The following IGSF22 variants were observed in gnomAD, a reference collection of about 807,000 sequenced individuals.
IGSF22 encodes the protein immunoglobulin superfamily member 22.
IGSF22 carries 119 observed loss-of-function variants against 127.0 expected under a neutral mutation model. The ratio of observed to expected loss-of-function variants is 0.94; its 90% confidence interval spans 0.81 to 1.09. The LOEUF is 1.09. Among genes scored for constraint, IGSF22 ranks in the 50% least tolerant of loss-of-function variants. IGSF22 has a pLI of 0.00. For synonymous variants in IGSF22, 568 were observed against 664.7 expected, an observed-to-expected ratio of 0.85 and a Z score of 2.24; for missense variants, 1,518 against 1,716.6, an observed-to-expected ratio of 0.88 and a Z score of 2.04.
At position 18,709,419 on chromosome 11, in the gene IGSF22, A is replaced by T. The variant is rs1188888246; in HGVS notation, c.2966T>A (p.Leu989Gln). 6.2e-7 allele frequency: 1 copy of T among 1,614,012 alleles called. No individual in the cohort carries two copies. Among genetic ancestry groups the T allele is most frequent in the East Asian group, 2.2e-5 (1 of 44,888 alleles). The part of the protein sequence containing the change: ...NEAGVGEPVE[L>Q]DKGVRAMPPP... ...TGGCATGGCACGGACCCCCTTGTCT[A>T]GCTCCACAGGCTCCCCAACCCCAGC... is the stretch of plus-strand genomic sequence containing the variant. Residue 989 changes from leucine to glutamine, a missense_variant, in exon 18 of 23, where the codon CTA (leucine) becomes CAA (glutamine). This residue lies in a region of IGSF22 where 1,456 missense variants were observed against 1,644.9 expected (regional missense o/e 0.89). Coordinates refer to ENST00000513874, the MANE Select transcript of IGSF22 (RefSeq NM_173588.4). The surrounding 1 kb of genome is among the most constrained non-coding windows in gnomAD (Gnocchi z 4.8).
At chr11:18,710,933 T>C in intron 15 of IGSF22, 105 bp from the exon 16 acceptor site, 1 of 977,806 alleles carries the variant, frequency 1.0e-6, no homozygotes, top group Non-Finnish European at 1.5e-6. Flanking sequence ...CTCAAACCAG[T>C]GATTCTTTTT....
Position 18,709,637 on chromosome 11 carries a change from G to C in IGSF22, c.2748C>G (p.Asn916Lys). Residue 916 changes from asparagine to lysine, a missense_variant, in exon 18 of 23, where the codon AAC becomes AAG. By Grantham distance (94) the Asn-to-Lys change is moderately conservative. Coordinates refer to ENST00000513874, the MANE Select transcript of IGSF22 (RefSeq NM_173588.4). This position sits in a 1 kb window ranked among gnomAD's most constrained non-coding sequence, Gnocchi z 4.8. ...CCCGCCAGGCCAGGGAAATGCTGGAGTTGGAGGAATCAGATACATGCAGGT... is the reference window on the plus strand; with the variant it reads ...CCCGCCAGGCCAGGGAAATGCTGGACTTGGAGGAATCAGATACATGCAGGT... ...VQDLHVSDSS[N>K]SSISLAWREP... 6.2e-7 allele frequency: 1 copy of C among 1,614,168 alleles called. No individual in the cohort carries two copies. Among genetic ancestry groups the C allele is most frequent in the Non-Finnish European group, 8.5e-7 (1 of 1,180,022 alleles).
chr11:18,706,437 G>T, intron 21 of IGSF22: 1 of 490,848 alleles, frequency 2.0e-6, no homozygotes, highest in Non-Finnish European at 3.6e-6. Context: ...CCTGGACCCG[G>T]TTATTCCCAG....
chr11:18,712,602 G>C (rs1848378493), intron 14 of IGSF22, among the ~76,000 whole-genome samples: 4 of 152,234 alleles, frequency 2.6e-5, no homozygotes. Flanking sequence ...GCAATGGGTA[G>C]ACTAGAGACC....
intron 22 of IGSF22, 24 bp from the exon 23 acceptor site, chr11:18,704,562 G>A (rs552946698): frequency 5.7e-5 from 83 of 1,462,284 alleles, no homozygotes; most frequent in Middle Eastern, 3.4e-4. Context: ...GGAAGTATTC[G>A]TTATATTAAT....
In IGSF22 at chr11:18,719,722, C is replaced by T; in HGVS notation, c.690G>A (p.Glu230=). 6.2e-7 allele frequency: 1 copy of T among 1,614,102 alleles called. No individual in the cohort carries two copies. Among genetic ancestry groups the T allele is most frequent in the Admixed American group, 1.7e-5 (1 of 60,020 alleles). ...RKLKEMKKKV[E]VEAIRILKPL... ...CTCCCTGCAGGGTACTTACCTCCAC[C>T]TCTACTTTCTTCTTCATCTCTTTGA... Residue 230 remains glutamate (E), a synonymous_variant, in exon 7 of 23, where the codon GAG becomes GAA. Transcript: ENST00000513874.
intron 22 of IGSF22, chr11:18,705,549 C>T: frequency 2.0e-6 from 1 of 494,906 alleles, no homozygotes. Flanking sequence ...TATCTTTTTT[C>T]TGAAGGCAGG....
intron 3 of IGSF22, 92 bp downstream of exon 3, chr11:18,721,818 G>A (rs1848579496): frequency 6.3e-7 from 1 of 1,592,122 alleles, no homozygotes; most frequent in Admixed American, 1.7e-5. Context: ...CCAGGGTTTA[G>A]CATTGGAGGT....
Position 18,716,641 on chromosome 11 carries a change from G to T in IGSF22, c.1246+87C>A. The T allele has an allele frequency of 7.3e-7, 1 of 1,371,574 alleles. No individual in the cohort carries two copies. Among genetic ancestry groups the T allele is most frequent in the Non-Finnish European group, 1.0e-6 (1 of 980,702 alleles). The allele number at this position is 1,371,574 out of a possible 1,614,324, so 85.0% of individuals were successfully genotyped here. A position where few individuals can be genotyped will look rare whatever the true frequency, so the allele number is the denominator to read the frequency against. ...GGGCTTTGCAAAAAGGAGATGGATG[G>T]ATAGATGGATATATAAATGATGACT... is the stretch of plus-strand genomic sequence containing the variant. On this transcript the variant is annotated intron_variant, in intron 10 of 22. Coordinates refer to ENST00000513874, the MANE Select transcript of IGSF22 (RefSeq NM_173588.4). This position sits in a 1 kb window ranked among gnomAD's most constrained non-coding sequence, Gnocchi z 4.5.
At chr11:18,724,778 G>A (rs1163480689) in intron 1 of IGSF22, among the ~76,000 whole-genome samples, 2 of 152,094 alleles carry the variant, frequency 1.3e-5, no homozygotes, top group Non-Finnish European at 1.5e-5. Flanking sequence ...TTGTGTTTGC[G>A]ACATGGTAAA....
Position 18,715,649 on chromosome 11 carries a change from C to T in IGSF22, c.1314G>A (p.Leu438=). 3 of 1,613,956 alleles carry T rather than the reference C, an allele frequency of 1.9e-6. No individual in the cohort carries two copies. The highest frequency in any genetic ancestry group is 2.5e-6 in the Non-Finnish European group (3 of 1,180,010). Reference sequence around the variant, plus strand: ...CATCCTTGGATGTCAGCTCACACTCCAGGCATGCGCGACTCCTCTCTTTCA... The same window carrying T: ...CATCCTTGGATGTCAGCTCACACTCTAGGCATGCGCGACTCCTCTCTTTCA... The part of the protein sequence containing the change: ...VRVKERSRAC[L]ECELTSKDVT... Residue 438 remains leucine (L), a synonymous_variant, in exon 11 of 23, where the codon CTG becomes CTA. Transcript: ENST00000513874.
intron 22 of IGSF22, chr11:18,705,307 G>A (rs1417720224): frequency 6.4e-6 from 1 of 155,062 alleles, no homozygotes; most frequent in Non-Finnish European, 1.4e-5. Flanking sequence ...GGAATAAAAT[G>A]CTTCCCCCTA....
chr11:18,723,236 T>C (rs1848602127), intron 2 of IGSF22, among the ~76,000 whole-genome samples: 1 of 152,222 alleles, frequency 6.6e-6, no homozygotes, highest in Non-Finnish European at 1.5e-5. Context: ...GGGGTGAGAC[T>C]CAGGTACTGC....
rs375207253 is a variant in IGSF22 at position 18,710,740 on chromosome 11, C to A, written c.2487G>T (p.Gly829=). Reference sequence around the variant, plus strand: ...CAATGTAGCCGAGCACTGGGGCTCCCCCATCCTGGGTAGGGGCATTCCACG... The same window carrying A: ...CAATGTAGCCGAGCACTGGGGCTCCACCATCCTGGGTAGGGGCATTCCACG... The part of the protein sequence containing the change: ...TITWNAPTQD[G]GAPVLGYIVE... Residue 829 remains glycine (G), a synonymous_variant, in exon 16 of 23, where the codon GGG becomes GGT. Coordinates refer to ENST00000513874, the MANE Select transcript of IGSF22 (RefSeq NM_173588.4). 113 of 1,614,042 alleles carry A rather than the reference C, an allele frequency of 7.0e-5. 3 individuals carry two copies. The Middle Eastern group carries it at 8.2e-4, about 12-fold the overall frequency.
Position 18,709,738 on chromosome 11 carries a change from T to C in IGSF22, c.2702-55A>G. The stretch of plus-strand genomic sequence containing the variant: ...CTCCAACTCATCTCCACTCAATGCC[T>C]TGCTCACTTCCCACACTCAATACTC... On this transcript the variant is annotated intron_variant, in intron 17 of 22. Transcript: ENST00000513874. This position sits in a 1 kb window ranked among gnomAD's most constrained non-coding sequence, Gnocchi z 4.8. 1.3e-6 allele frequency: 2 copies of C among 1,541,220 alleles called. No homozygotes were observed. The highest frequency in any genetic ancestry group is 1.8e-6 in the Non-Finnish European group (2 of 1,135,282).
In IGSF22 at chr11:18,709,707, C is replaced by A; in HGVS notation, c.2702-24G>T. 1 of 1,601,172 alleles carries A rather than the reference C, an allele frequency of 6.2e-7. No homozygotes were observed. The highest frequency in any genetic ancestry group is 1.1e-5 in the South Asian group (1 of 89,518). On this transcript the variant is annotated intron_variant, in intron 17 of 22. Coordinates refer to ENST00000513874, the MANE Select transcript of IGSF22 (RefSeq NM_173588.4). This position sits in a 1 kb window ranked among gnomAD's most constrained non-coding sequence, Gnocchi z 4.8. ...TTCTGGGGTAGAACAGACATGTAGTCAGCCCCTCCAACTCATCTCCACTCA... is the reference window on the plus strand; with the variant it reads ...TTCTGGGGTAGAACAGACATGTAGTAAGCCCCTCCAACTCATCTCCACTCA...
At chr11:18,715,756 G>T in intron 10 of IGSF22, 40 bp from the exon 11 acceptor site, 1 of 1,574,740 alleles carries the variant, frequency 6.4e-7, no homozygotes, top group South Asian at 1.2e-5. Context: ...CCCAAACCAC[G>T]ACATCTTTTT....
At chr11:18,713,729 T>A in intron 14 of IGSF22, 123 bp downstream of exon 14, 2 of 807,192 alleles carry the variant, frequency 2.5e-6, no homozygotes. Context: ...GCCAGCCTTC[T>A]AGGCCCATTC....
rs768222148 is a variant in IGSF22 at position 18,715,756 on chromosome 11, G to A, written c.1247-40C>T. The A allele has an allele frequency of 1.4e-5, 22 of 1,574,622 alleles. No homozygotes were observed. In the East Asian group the frequency reaches 3.2e-4, roughly 23 times the overall value. On this transcript the variant is annotated intron_variant, in intron 10 of 22. Transcript: ENST00000513874. ...ACACTTGGGCCTGCTCCCAAACCAC[G>A]ACATCTTTTTTCTGCAGCTATAGAG...
Sources: allele counts gnomAD v4.1 joint callset (sites outside exome capture counted in the v4.1 genomes callset), GRCh38; gene constraint gnomAD v4.1.1; regional missense constraint gnomAD v4.1.1; non-coding constraint Gnocchi (gnomAD v3.1); transcripts MANE v1.5; gene names NCBI Gene and HGNC (gene_info 2026-07-23, HGNC 2026-07-21).